Variants in TACC2 observed in about 807,000 individuals in gnomAD.
The protein encoded by TACC2 is transforming acidic coiled-coil containing protein 2.
In TACC2, 137 loss-of-function variants were observed where a neutral mutation model predicts 227.3. The ratio of observed to expected loss-of-function variants is 0.60; its 90% confidence interval spans 0.52 to 0.69. The LOEUF is 0.69. Among genes scored for constraint, TACC2 ranks in the 30% least tolerant of loss-of-function variants. TACC2 has a pLI of 0.00. For missense variants in TACC2, 3,470 were observed against 3,694.4 expected, an observed-to-expected ratio of 0.94 and a Z score of 1.57; for synonymous variants, 1,523 against 1,487.5, an observed-to-expected ratio of 1.02 and a Z score of -0.55.
chr10:122,163,789 G>A (rs1434054875), intron 7 of TACC2: 5 of 1,233,886 alleles, frequency 4.1e-6, no homozygotes, highest in Non-Finnish European at 5.1e-6. Context: ...CCGCCGCCAC[G>A]GATGCCCGCA....
At chr10:122,010,406 C>T (rs751491884) in intron 1 of TACC2, among the ~76,000 whole-genome samples, 3 of 152,152 alleles carry the variant, frequency 2.0e-5, no homozygotes, top group Non-Finnish European at 4.4e-5. Flanking sequence ...ATGGAAATTG[C>T]GAGTAAGGGG....
At chr10:122,145,020 T>C (rs2091181984) in intron 7 of TACC2, among the ~76,000 whole-genome samples, 1 of 152,220 alleles carries the variant, frequency 6.6e-6, no homozygotes, top group Non-Finnish European at 1.5e-5. Flanking sequence ...CCCAGCTGTT[T>C]GGGGAAACAC....
At chr10:121,998,076 C>A (rs1323693544) in intron 1 of TACC2, among the ~76,000 whole-genome samples, 1 of 152,000 alleles carries the variant, frequency 6.6e-6, no homozygotes, top group African/African-American at 2.4e-5. Context: ...CTTTGGGAGG[C>A]CAAGGCAGGT....
At chr10:122,122,792 G>A (rs1053241799) in intron 5 of TACC2, among the ~76,000 whole-genome samples, 11 of 152,162 alleles carry the variant, frequency 7.2e-5, no homozygotes, top group African/African-American at 2.7e-4. Context: ...ACAACACCTG[G>A]CAAACAGAAA....
At chr10:122,025,297 G>A (rs914845122) in intron 2 of TACC2, among the ~76,000 whole-genome samples, 1 of 152,132 alleles carries the variant, frequency 6.6e-6, no homozygotes, top group Non-Finnish European at 1.5e-5. Flanking sequence ...GTCTTGCACT[G>A]TCAGCTGGGC....
chr10:122,077,336 A>C (rs2078932204), intron 3 of TACC2, among the ~76,000 whole-genome samples: 2 of 152,130 alleles, frequency 1.3e-5, no homozygotes. Context: ...GGAGACTAGG[A>C]CCTGGCCTCC....
At chr10:122,156,256 C>T (rs1239944401) in intron 7 of TACC2, among the ~76,000 whole-genome samples, 1 of 149,670 alleles carries the variant, frequency 6.7e-6, no homozygotes, top group Non-Finnish European at 1.5e-5. Context: ...CAGAGTCTTG[C>T]TCTGTCACAC....
chr10:122,074,236 T>A (rs9420346), intron 3 of TACC2, among the ~76,000 whole-genome samples: 144,338 of 152,004 alleles, frequency 0.95, 68,906 homozygotes, highest in East Asian at 1. Flanking sequence ...GCCTGCCAAC[T>A]TGCCCAGCTA....
chr10:122,003,676 G>A (rs1352187829), intron 1 of TACC2, among the ~76,000 whole-genome samples: 1 of 150,482 alleles, frequency 6.6e-6, no homozygotes. Flanking sequence ...TCTTTTCTGA[G>A]ATGGAGTCTG....
rs764934219 is a variant in TACC2 at position 122,132,671 on chromosome 10, T to C, written c.5636T>C (p.Leu1879Ser). Residue 1879 changes from leucine to serine, a missense_variant, in exon 6 of 23, where the codon TTA becomes TCA. By Grantham distance (145) the Leu-to-Ser change is moderately radical. Around this residue, in one of 10 missense-constraint regions of TACC2, gnomAD observed 1,924 missense variants for 1,978.3 expected, o/e 0.97. Transcript: ENST00000369005. The stretch of plus-strand genomic sequence containing the variant: ...CCCGCAGACCTGGAAAGCCCAACCT[T>C]AGCTGCCTCTTCCTACCACGGTGAT... ...AAPADLESPT[L>S]AASSYHGDVV... 3.2e-5 allele frequency: 51 copies of C among 1,614,034 alleles called. No homozygotes were observed. Among genetic ancestry groups the C allele is most frequent in the Non-Finnish European group, 4.1e-5 (48 of 1,180,028 alleles).
chr10:122,017,286 G>T (rs754073366), intron 1 of TACC2, among the ~76,000 whole-genome samples: 22 of 152,126 alleles, frequency 1.4e-4, no homozygotes, highest in Non-Finnish European at 2.9e-4. Context: ...TTACATCACA[G>T]CAGCGCACAC....
At chr10:122,131,455 C>T (rs1298111513) in intron 5 of TACC2, among the ~76,000 whole-genome samples, 2 of 152,132 alleles carry the variant, frequency 1.3e-5, no homozygotes, top group Admixed American at 6.5e-5. Context: ...CCTGAGCCAC[C>T]CTGTGCTTGG....
At chr10:122,241,266 C>T (rs772458803) in intron 18 of TACC2, among the ~76,000 whole-genome samples, 3 of 151,994 alleles carry the variant, frequency 2.0e-5, no homozygotes, top group Non-Finnish European at 2.9e-5. Flanking sequence ...CCTCAGTTGT[C>T]GGGCTGGAGG....
intron 7 of TACC2, among the ~76,000 whole-genome samples, chr10:122,170,561 C>T (rs113737420): frequency 0.18 from 28,107 of 152,028 alleles, 4,178 homozygotes; most frequent in African/African-American, 0.41. Flanking sequence ...CTCAGCCTCC[C>T]GAAGTGCTGG....
At chr10:122,252,496 CTT>C (rs897672750) in intron 22 of TACC2, among the ~76,000 whole-genome samples, 3 of 142,458 alleles carry the variant, frequency 2.1e-5, no homozygotes, top group Admixed American at 1.4e-4. Context: ...TTTTTTCTTT[CTT>C]TTTTTTTTTT....
chr10:122,022,114 A>G, intron 2 of TACC2, 100 bp downstream of exon 2: 1 of 1,202,200 alleles, frequency 8.3e-7, no homozygotes, highest in South Asian at 1.2e-5. Context: ...GGAAGGAGCA[A>G]ACAAGACAGC....
At chr10:122,100,351 C>T (rs1025647731) in intron 5 of TACC2, among the ~76,000 whole-genome samples, 1 of 151,998 alleles carries the variant, frequency 6.6e-6, no homozygotes, top group African/African-American at 2.4e-5. Context: ...CTTCCCTGCT[C>T]CTTTCTGAGA....
intron 8 of TACC2, among the ~76,000 whole-genome samples, chr10:122,200,814 C>T (rs1203986385): frequency 6.7e-6 from 1 of 148,920 alleles, no homozygotes; most frequent in Non-Finnish European, 1.5e-5. Context: ...GGCGACCTCA[C>T]CTGCCCACAG....
chr10:122,066,774 T>A (rs775368546), intron 3 of TACC2, among the ~76,000 whole-genome samples: 28 of 152,244 alleles, frequency 1.8e-4, no homozygotes, highest in Non-Finnish European at 2.8e-4. Flanking sequence ...ATGGTTGGTT[T>A]AAATCTATAG....
Sources: gnomAD v4.1 joint callset for allele counts (sites outside exome capture counted in the v4.1 genomes callset) on GRCh38, gnomAD v4.1.1 for gene constraint, gnomAD v4.1.1 regional missense constraint, MANE v1.5 for transcripts, NCBI Gene and HGNC (gene_info 2026-07-23, HGNC 2026-07-21) for gene names.